STX18: variants seen among roughly 807,000 people sequenced by gnomAD.
STX18 encodes the protein syntaxin-18.
STX18 carries 40 observed loss-of-function variants against 50.1 expected under a neutral mutation model. The observed-to-expected ratio is 0.80, with a 90% CI of 0.62 to 1.04. The LOEUF (loss-of-function observed/expected upper bound fraction) is 1.04. Among genes scored for constraint, STX18 ranks in the 50% least tolerant of loss-of-function variants. The probability of loss-of-function intolerance (pLI) is 0.00; values close to 1 mark genes in which losing one functional copy is unlikely to be tolerated. For synonymous variants in STX18, 158 were observed against 151.8 expected (o/e 1.04, Z -0.30); for missense variants, 410 against 415.8 (o/e 0.99, Z 0.12).
intron 1 of STX18, among the ~76,000 whole-genome samples, chr4:4,505,686 G>A (rs956891885): frequency 2.0e-5 from 3 of 152,142 alleles, no homozygotes; most frequent in African/African-American, 7.2e-5. Flanking sequence ...CTACTCAGGA[G>A]GCTGAGGCAT....
At chr4:4,463,256 C>T (rs1354594652) in intron 2 of STX18, among the ~76,000 whole-genome samples, 1 of 152,096 alleles carries the variant, frequency 6.6e-6, no homozygotes, top group Non-Finnish European at 1.5e-5. Context: ...TAAAAACAGC[C>T]CTAGACAATA....
chr4:4,422,391 A>G (rs1725013453), intron 9 of STX18, among the ~76,000 whole-genome samples: 1 of 151,786 alleles, frequency 6.6e-6, no homozygotes, highest in Admixed American at 6.6e-5. Context: ...AGATGGTGAA[A>G]CCCCGTCTTT....
At chr4:4,453,155 A>G (rs2108810446) in intron 5 of STX18, among the ~76,000 whole-genome samples, 1 of 152,372 alleles carries the variant, frequency 6.6e-6, no homozygotes, top group South Asian at 2.1e-4. Context: ...TATTGCATAA[A>G]CTTGGTTGAC....
intron 2 of STX18, among the ~76,000 whole-genome samples, chr4:4,469,567 A>G (rs9995461): frequency 0.35 from 53,428 of 151,908 alleles, 13,039 homozygotes; most frequent in African/African-American, 0.7. Flanking sequence ...GATAAAGGAT[A>G]TGCTTGTACC....
chr4:4,459,426 C>T lies in STX18; in HGVS notation c.298G>A (p.Ala100Thr). ...GAACAGGTCCTCATGAATATCTGGG[C>T]ATCCTGGTCTATCTGGTCTCGTTCT... ...DTERDQIDQD[A>T]QIFMRTCSEA... Residue 100 changes from alanine to threonine, a missense_variant, in exon 3 of 11, where the codon GCC (alanine) becomes ACC (threonine). Transcript: ENST00000306200. The T allele has an allele frequency of 6.2e-7, 1 of 1,614,118 alleles. No homozygotes were observed. Among genetic ancestry groups the T allele is most frequent in the Non-Finnish European group, 8.5e-7 (1 of 1,180,014 alleles).
chr4:4,461,216 T>C (rs902596021), intron 2 of STX18, among the ~76,000 whole-genome samples: 1 of 152,234 alleles, frequency 6.6e-6, no homozygotes, highest in Non-Finnish European at 1.5e-5. Flanking sequence ...ATTATATATA[T>C]ACATTAACCT....
At chr4:4,534,650 ATCC>A (rs1731250368) in intron 1 of STX18, among the ~76,000 whole-genome samples, 1 of 152,212 alleles carries the variant, frequency 6.6e-6, no homozygotes, top group African/African-American at 2.4e-5. Flanking sequence ...TACAAACATG[ATCC>A]TTTCGTGCCT....
intron 1 of STX18, among the ~76,000 whole-genome samples, chr4:4,503,221 G>C (rs996293237): frequency 6.6e-6 from 1 of 152,102 alleles, no homozygotes; most frequent in Non-Finnish European, 1.5e-5. Flanking sequence ...GTAAATGAGG[G>C]TTCTCAGCTC....
intron 1 of STX18, among the ~76,000 whole-genome samples, chr4:4,529,658 C>A (rs917458675): frequency 6.6e-5 from 10 of 152,320 alleles, no homozygotes; most frequent in Non-Finnish European, 1.2e-4. Flanking sequence ...AGAAGCACAG[C>A]ACACACGTGC....
intron 1 of STX18, among the ~76,000 whole-genome samples, chr4:4,527,584 C>G (rs1414701767): frequency 6.6e-6 from 1 of 151,798 alleles, no homozygotes; most frequent in Non-Finnish European, 1.5e-5. Context: ...GATTCAGGAT[C>G]TGATAATGGG....
intron 1 of STX18, among the ~76,000 whole-genome samples, chr4:4,495,504 T>C (rs994971035): frequency 1.8e-4 from 28 of 151,798 alleles, no homozygotes; most frequent in Non-Finnish European, 3.5e-4. Flanking sequence ...CCCATCTGCC[T>C]CAGCCTCCCA....
At chr4:4,437,362 T>A (rs546588196) in intron 6 of STX18, among the ~76,000 whole-genome samples, 1 of 152,282 alleles carries the variant, frequency 6.6e-6, no homozygotes, top group South Asian at 2.1e-4. Flanking sequence ...ATCTTTCCCA[T>A]CAACTGTGAG....
At chr4:4,518,195 T>A (rs1382335955) in intron 1 of STX18, among the ~76,000 whole-genome samples, 6 of 152,236 alleles carry the variant, frequency 3.9e-5, no homozygotes, top group Non-Finnish European at 8.8e-5. Context: ...ACTGCCCCAA[T>A]TTATATTTCA....
intron 1 of STX18, among the ~76,000 whole-genome samples, chr4:4,482,175 CT>C (rs1015096671): frequency 6.6e-6 from 1 of 152,210 alleles, no homozygotes; most frequent in Admixed American, 6.5e-5. Flanking sequence ...ATCTCTGAAA[CT>C]TCTTGTAAGT....
intron 1 of STX18, among the ~76,000 whole-genome samples, chr4:4,535,659 G>C (rs965993201): frequency 2.0e-5 from 3 of 152,084 alleles, no homozygotes; most frequent in African/African-American, 7.2e-5. Context: ...TAGCTAAAAG[G>C]TTCCTGCCAT....
At chr4:4,540,746 C>T (rs867824405) in intron 1 of STX18, among the ~76,000 whole-genome samples, 7 of 152,148 alleles carry the variant, frequency 4.6e-5, no homozygotes, top group Non-Finnish European at 1.0e-4. Flanking sequence ...TTCATCTGGT[C>T]CAATCCCCTT....
intron 5 of STX18, 114 bp from the exon 6 acceptor site, chr4:4,438,623 G>T: frequency 1.3e-6 from 1 of 790,912 alleles, no homozygotes; most frequent in Non-Finnish European, 2.0e-6. Flanking sequence ...CTGTACTGGG[G>T]AGCAGTCACT....
intron 1 of STX18, among the ~76,000 whole-genome samples, chr4:4,487,002 A>C (rs1163256922): frequency 6.6e-6 from 1 of 152,212 alleles, no homozygotes; most frequent in Non-Finnish European, 1.5e-5. Context: ...CTTCTATAAA[A>C]GAAATAAACA....
At position 4,452,200 on chromosome 4, in the gene STX18, T is replaced by C. The variant is rs186029610; in HGVS notation, c.497+4991A>G. On this transcript the variant is annotated intron_variant, in intron 5 of 10. Transcript: ENST00000306200. ...AGGTGAGGAAGCTGCAAAAGAAAAG[T>C]TGGAAGGCAGCAGAGGTTGGTTCAT... 3.9e-5 allele frequency among the ~76,000 whole-genome samples: 6 copies of C among 152,208 alleles called. No individual in the cohort carries two copies. In the East Asian group the frequency reaches 9.7e-4, roughly 24 times the overall value.
Sources: gnomAD v4.1 joint callset for allele counts (sites outside exome capture counted in the v4.1 genomes callset) on GRCh38, gnomAD v4.1.1 for gene constraint, MANE v1.5 for transcripts, NCBI Gene and HGNC (gene_info 2026-07-23, HGNC 2026-07-21) for gene names.